TRPM2: variants seen among roughly 807,000 people sequenced by gnomAD.
The protein encoded by TRPM2 is transient receptor potential cation channel subfamily M member 2, also known as estrogen-responsive element-associated gene 1 protein.
TRPM2 carries 161 observed loss-of-function variants against 174.0 expected under a neutral mutation model. The observed-to-expected ratio is 0.93, with a 90% confidence interval of 0.81 to 1.05. TRPM2 has a LOEUF of 1.05. Ranked by LOEUF, TRPM2 falls within the 50% of genes least tolerant of loss-of-function variation. The pLI, the probability that TRPM2 is intolerant of heterozygous loss-of-function variation, is 0.00. For missense variants in TRPM2, 2,057 were observed against 2,038.0 expected, an observed-to-expected ratio of 1.01 and a Z score of -0.18; for synonymous variants, 954 against 861.3, an observed-to-expected ratio of 1.11 and a Z score of -1.88.
chr21:44,352,668 G>C (rs1296458530), upstream of TRPM2, among the ~76,000 whole-genome samples: 1 of 152,224 alleles, frequency 6.6e-6, no homozygotes, highest in African/African-American at 2.4e-5. Flanking sequence ...GGGTGTCAGG[G>C]ACTCAGGGAG....
chr21:44,365,698 C>T (rs1048908198), intron 3 of TRPM2, among the ~76,000 whole-genome samples: 9 of 152,206 alleles, frequency 5.9e-5, no homozygotes, highest in African/African-American at 2.2e-4. Context: ...CAGCCCCCTC[C>T]CTGCAGCTGC....
rs374098283 is a variant in TRPM2 at position 44,437,057 on chromosome 21, C to T, written c.4062-5C>T. 87 of 1,549,884 alleles carry T rather than the reference C, an allele frequency of 5.6e-5. No individual in the cohort carries two copies. The highest frequency in any genetic ancestry group is 1.5e-4 in the East Asian group (6 of 40,886). On this transcript the variant is annotated splice_region_variant and splice_polypyrimidine_tract_variant and intron_variant, in intron 28 of 31. Coordinates refer to ENST00000397928, the MANE Select transcript of TRPM2 (RefSeq NM_003307.4). ...CCTGGGCAGCCATGGCCGCTCTCTC[C>T]GCAGGTGGAGGCGGAACGAGGATGG...
chr21:44,439,207 C>A lies in TRPM2; in HGVS notation c.4269+39C>A. ...GTTTGCTCTGTTCCACCTGTGTGTC[C>A]CCAGGGCTGCAGGACAAACACAGTG... On this transcript the variant is annotated intron_variant, in intron 30 of 31. Coordinates refer to ENST00000397928, the MANE Select transcript of TRPM2 (RefSeq NM_003307.4). This position sits in a 1 kb window ranked among gnomAD's most constrained non-coding sequence, Gnocchi z 5.1. The A allele has an allele frequency of 6.3e-7, 1 of 1,576,640 alleles. No individual in the cohort carries two copies. Among genetic ancestry groups the A allele is most frequent in the Non-Finnish European group, 8.7e-7 (1 of 1,147,726 alleles).
rs930226404 is a variant in TRPM2, at chr21:44,366,649, C to T, written c.424-105C>T. On this transcript the variant is annotated intron_variant, in intron 3 of 31. Coordinates refer to ENST00000397928, the MANE Select transcript of TRPM2 (RefSeq NM_003307.4). This position sits in a 1 kb window ranked among gnomAD's most constrained non-coding sequence, Gnocchi z 6.0. ...TCTGGGTCTGAGCCGGAAAGGTGTG[C>T]GGTGTCTGCCGCCCGCTGGGGCCTC... The T allele has an allele frequency of 3.4e-5, 51 of 1,484,152 alleles. No individual in the cohort carries two copies. Among genetic ancestry groups the T allele is most frequent in the East Asian group, 6.9e-5 (3 of 43,224 alleles). The allele number at this position is 1,484,152 out of a possible 1,614,324, so 91.9% of individuals were successfully genotyped here.
chr21:44,422,701 A>G (rs918138907), intron 22 of TRPM2, among the ~76,000 whole-genome samples: 2 of 152,226 alleles, frequency 1.3e-5, no homozygotes, highest in Non-Finnish European at 2.9e-5. Flanking sequence ...AACCATAAAC[A>G]CAGCAGGCCG....
At chr21:44,401,598 G>C (rs541574183) in intron 15 of TRPM2, 83 bp from the exon 16 acceptor site, 1 of 1,423,918 alleles carries the variant, frequency 7.0e-7, no homozygotes, top group East Asian at 2.3e-5. Context: ...GGGGCACGGG[G>C]GATCACGGGG....
intron 8 of TRPM2, among the ~76,000 whole-genome samples, chr21:44,381,262 C>A (rs968652168): frequency 6.6e-6 from 1 of 151,884 alleles, no homozygotes; most frequent in African/African-American, 2.4e-5. Flanking sequence ...CTGAGGCTTA[C>A]TTTGGGAGCA....
chr21:44,440,774 G>GTA lies in TRPM2; in HGVS notation c.4270-15_4270-14insTA. On this transcript the variant is annotated splice_polypyrimidine_tract_variant and intron_variant, in intron 30 of 31. Coordinates refer to ENST00000397928, the MANE Select transcript of TRPM2 (RefSeq NM_003307.4). ...TGTCCCTCGCTGTCGGGCTTACCCT[G>GTA]CCCTGCCCATCCAGGTGTACAAAGG... is the stretch of plus-strand genomic sequence containing the variant. 1 of 1,611,278 alleles carries GTA rather than the reference G, an allele frequency of 6.2e-7. No homozygotes were observed. The highest frequency in any genetic ancestry group is 1.7e-5 in the Admixed American group (1 of 59,986).
chr21:44,406,847 G>A, intron 19 of TRPM2, 82 bp downstream of exon 19: 2 of 1,510,122 alleles, frequency 1.3e-6, no homozygotes, highest in Non-Finnish European at 1.8e-6. Flanking sequence ...ATGAGTGGGA[G>A]TGAGGCCGGC....
chr21:44,382,152 T>A (rs1341794933), intron 8 of TRPM2, among the ~76,000 whole-genome samples: 1 of 152,082 alleles, frequency 6.6e-6, no homozygotes, highest in Non-Finnish European at 1.5e-5. Context: ...GATGGATACA[T>A]GGATAGATGG....
chr21:44,350,401 AGGGGTGC>A (rs561188587), upstream of TRPM2: 1 of 131,660 alleles, frequency 7.6e-6, no homozygotes, highest in African/African-American at 3.0e-5. Context: ...GAGTGCGTGC[AGGGGTGC>A]GGGGTGCGGG....
At chr21:44,353,393 G>T (rs1486417106), upstream of TRPM2, 1 of 247,026 alleles carries the variant, frequency 4.0e-6, no homozygotes, top group African/African-American at 2.3e-5. Context: ...ACCTGAGGTT[G>T]TTACCATTAT....
In TRPM2 at chr21:44,391,763, T is replaced by A. The variant is rs1202758771; in HGVS notation, c.1794+138T>A. 1.2e-6 allele frequency: 1 copy of A among 851,276 alleles called. No homozygotes were observed. The highest frequency in any genetic ancestry group is 1.7e-5 in the African/African-American group (1 of 57,840). The allele number at this position is 851,276 out of a possible 1,614,324, so 52.7% of individuals were successfully genotyped here. A position where few individuals can be genotyped will look rare whatever the true frequency, so the allele number is the denominator to read the frequency against. The stretch of plus-strand genomic sequence containing the variant: ...CTCTATCTTAGGCTGCTTGGGCTGC[T>A]GTAACAAAATTCCACAGATGGGGCA... On this transcript the variant is annotated intron_variant, in intron 11 of 31. Transcript: ENST00000397928. This position sits in a 1 kb window ranked among gnomAD's most constrained non-coding sequence, Gnocchi z 5.0.
At chr21:44,406,103 G>T (rs185877545) in intron 18 of TRPM2, 66 bp downstream of exon 18, 3 of 1,578,916 alleles carry the variant, frequency 1.9e-6, no homozygotes, top group Non-Finnish European at 1.7e-6. Context: ...GGGAGGGCAG[G>T]CCCCTTGCCA....
At chr21:44,390,840 T>C (rs2049149617) in intron 9 of TRPM2, 64 bp from the exon 10 acceptor site, 1 of 1,606,036 alleles carries the variant, frequency 6.2e-7, no homozygotes, top group Admixed American at 1.7e-5. Context: ...CTGACATCAT[T>C]TCCCTGGAGG....
At chr21:44,361,963 C>T (rs916996224) in intron 2 of TRPM2, among the ~76,000 whole-genome samples, 3 of 152,212 alleles carry the variant, frequency 2.0e-5, no homozygotes, top group African/African-American at 7.2e-5. Context: ...CCCACCTTGG[C>T]CTCCCAAAGT....
Position 44,377,700 on chromosome 21 carries a change from T to G in TRPM2, c.953-12T>G. The G allele has an allele frequency of 6.2e-7, 1 of 1,614,034 alleles. No individual in the cohort carries two copies. Among genetic ancestry groups the G allele is most frequent in the South Asian group, 1.1e-5 (1 of 91,076 alleles). ...TAGGTGTGGCCCTCACTCGGCTGTG[T>G]GCTTTTTCTAGGTGTGGCCATCAAG... On this transcript the variant is annotated splice_polypyrimidine_tract_variant and intron_variant, in intron 6 of 31. Transcript: ENST00000397928.
chr21:44,359,468 T>A (rs1237690534), intron 2 of TRPM2, among the ~76,000 whole-genome samples: 2 of 151,784 alleles, frequency 1.3e-5, no homozygotes, highest in East Asian at 3.9e-4. Flanking sequence ...ATTGAGAAAC[T>A]GAGTGTAGAA....
At position 44,391,352 on chromosome 21, in the gene TRPM2, G is replaced by T. The variant is rs2049167417; in HGVS notation, c.1521G>T (p.Gly507=). ...PEFVKLFLEN[G]VQLKEFVTWD... ...TTGTGAAGCTCTTCCTGGAGAACGG[G>T]GTGCAGCTGAAGGAGTTTGTCACCT... Residue 507 remains glycine, a synonymous_variant, in exon 11 of 32, where the codon GGG becomes GGT. Coordinates refer to ENST00000397928, the MANE Select transcript of TRPM2 (RefSeq NM_003307.4). The surrounding 1 kb of genome is among the most constrained non-coding windows in gnomAD (Gnocchi z 5.0). 2 of 1,614,024 alleles carry T rather than the reference G, an allele frequency of 1.2e-6. No homozygotes were observed. Among genetic ancestry groups the T allele is most frequent in the Non-Finnish European group, 1.7e-6 (2 of 1,180,048 alleles).
Sources: allele counts gnomAD v4.1 joint callset (sites outside exome capture counted in the v4.1 genomes callset), GRCh38; gene constraint gnomAD v4.1.1; non-coding constraint Gnocchi (gnomAD v3.1); transcripts MANE v1.5; gene names NCBI Gene and HGNC (gene_info 2026-07-23, HGNC 2026-07-21).